The following EDIL3 variants were observed in gnomAD, a reference collection of about 807,000 sequenced individuals.
The protein encoded by EDIL3 is EGF-like repeat and discoidin I-like domain-containing protein 3.
A neutral mutation model predicts 67.4 loss-of-function variants in EDIL3; 37 were observed. That is an observed-to-expected ratio of 0.55 (90% CI 0.42 to 0.72). The LOEUF (loss-of-function observed/expected upper bound fraction) is 0.72, where lower values mean the gene tolerates loss of function less well. Ranked by LOEUF, EDIL3 falls within the 30% of genes least tolerant of loss-of-function variation. EDIL3 has a pLI of 0.00. For synonymous variants in EDIL3, 195 were observed against 196.3 expected (o/e 0.99, Z 0.05); for missense variants, 527 against 586.3 (o/e 0.90, Z 1.04).
At chr5:84,001,675 A>G (rs1269591792) in intron 9 of EDIL3, among the ~76,000 whole-genome samples, 1 of 152,180 alleles carries the variant, frequency 6.6e-6, no homozygotes, top group Non-Finnish European at 1.5e-5. Context: ...ATATGCCAGC[A>G]AATTGGAAAA....
At position 84,104,071 on chromosome 5, in the gene EDIL3, T is replaced by G. The variant is rs557204397; in HGVS notation, c.651+2578A>C. Among the ~76,000 whole-genome samples the G allele has an allele frequency of 2.0e-5, 3 of 152,144 alleles. No homozygotes were observed. In the South Asian group the frequency reaches 6.2e-4, roughly 32 times the overall value. On this transcript the variant is annotated intron_variant, in intron 6 of 10. Transcript: ENST00000296591. ...TCAGATCATGTCTTTTGCAGGAACA[T>G]GAATGAAGCTGGAGCAAACTAATTA...
chr5:84,298,872 G>C (rs570195545), intron 1 of EDIL3, among the ~76,000 whole-genome samples: 1 of 152,058 alleles, frequency 6.6e-6, no homozygotes, highest in Admixed American at 6.5e-5. Context: ...ATGCTGATTC[G>C]GTCTTTTGTG....
intron 4 of EDIL3, among the ~76,000 whole-genome samples, chr5:84,163,329 TG>T (rs1748646090): frequency 6.6e-6 from 1 of 152,132 alleles, no homozygotes; most frequent in East Asian, 1.9e-4. Flanking sequence ...AGAAAGACTA[TG>T]TTCTCAGACA....
At chr5:83,981,006 G>A (rs1467786731) in intron 9 of EDIL3, among the ~76,000 whole-genome samples, 1 of 151,962 alleles carries the variant, frequency 6.6e-6, no homozygotes, top group East Asian at 1.9e-4. Context: ...ACAAATAAAT[G>A]AAAAGATATC....
chr5:84,238,146 G>GGT (rs150829568), intron 2 of EDIL3, among the ~76,000 whole-genome samples: 14 of 150,860 alleles, frequency 9.3e-5, no homozygotes, highest in East Asian at 1.9e-4. Context: ...CTTGGCAAAC[G>GGT]GTGTGTGTGT....
chr5:84,204,772 A>T (rs1459318554), intron 3 of EDIL3, among the ~76,000 whole-genome samples: 1 of 150,658 alleles, frequency 6.6e-6, no homozygotes, highest in Admixed American at 6.6e-5. Context: ...GCCCCTTTAC[A>T]AGCATAAGTT....
intron 9 of EDIL3, among the ~76,000 whole-genome samples, chr5:84,000,032 G>A (rs918642967): frequency 6.6e-6 from 1 of 151,492 alleles, no homozygotes; most frequent in Non-Finnish European, 1.5e-5. Flanking sequence ...TTTTATTCTA[G>A]AATATTATAT....
chr5:84,052,333 C>T (rs1430321476), intron 9 of EDIL3, among the ~76,000 whole-genome samples: 10 of 152,264 alleles, frequency 6.6e-5, no homozygotes, highest in Middle Eastern at 3.4e-3. Flanking sequence ...AAGGAACAAC[C>T]AGTACCAGCC....
At chr5:84,251,286 T>C (rs150814631) in intron 2 of EDIL3, among the ~76,000 whole-genome samples, 1 of 152,162 alleles carries the variant, frequency 6.6e-6, no homozygotes, top group African/African-American at 2.4e-5. Flanking sequence ...TTAATTTTTG[T>C]ATATTTGGTA....
At chr5:83,992,512 C>G (rs1580269190) in intron 9 of EDIL3, among the ~76,000 whole-genome samples, 1 of 151,954 alleles carries the variant, frequency 6.6e-6, no homozygotes, top group Admixed American at 6.6e-5. Flanking sequence ...AACAAAGCAG[C>G]GAGGAAGAGA....
intron 4 of EDIL3, among the ~76,000 whole-genome samples, chr5:84,149,963 T>C (rs973171309): frequency 6.6e-6 from 1 of 152,010 alleles, no homozygotes; most frequent in Admixed American, 6.6e-5. Context: ...GGAACACATA[T>C]AGTTAGTCTA....
At chr5:84,210,355 G>GT (rs1483656054) in intron 3 of EDIL3, among the ~76,000 whole-genome samples, 1 of 151,952 alleles carries the variant, frequency 6.6e-6, no homozygotes, top group Non-Finnish European at 1.5e-5. Flanking sequence ...GTGTATTTTA[G>GT]TTTTTTGTAA....
intron 1 of EDIL3, among the ~76,000 whole-genome samples, chr5:84,355,491 C>T (rs572900928): frequency 4.5e-4 from 69 of 152,208 alleles, no homozygotes; most frequent in Middle Eastern, 3.4e-3. Flanking sequence ...GACAATTTGT[C>T]AAACTCATTC....
chr5:84,304,514 A>T (rs1018648937), intron 1 of EDIL3, among the ~76,000 whole-genome samples: 29 of 152,192 alleles, frequency 1.9e-4, no homozygotes, highest in African/African-American at 6.3e-4. Flanking sequence ...CTCTTGCTTT[A>T]ATGAAGTTGA....
chr5:84,236,031 T>C (rs1744674941), intron 2 of EDIL3, among the ~76,000 whole-genome samples: 1 of 152,060 alleles, frequency 6.6e-6, no homozygotes, highest in Admixed American at 6.6e-5. Context: ...AGTGGTGATA[T>C]AGTTTACATG....
chr5:84,287,886 G>A (rs1745840619), intron 1 of EDIL3, among the ~76,000 whole-genome samples: 2 of 151,864 alleles, frequency 1.3e-5, no homozygotes. Flanking sequence ...GTGCTCCAGG[G>A]CTCAGTCCCT....
In EDIL3 at chr5:84,058,916, A is replaced by G. The variant is rs77959405; in HGVS notation, c.1137+1384T>C. ...GTGCTGGGATGATATATTAGAAAAC[A>G]TACTCCTTATCTTCAAAAAGTTCAT... On this transcript the variant is annotated intron_variant, in intron 9 of 10. Coordinates refer to ENST00000296591, the MANE Select transcript of EDIL3 (RefSeq NM_005711.5). Among the ~76,000 whole-genome samples the G allele has an allele frequency of 1.8e-4, 27 of 152,294 alleles. 1 individual carries two copies. The East Asian group carries it at 4.3e-3, about 24-fold the overall frequency.
At chr5:84,260,703 AATGC>A (rs1345445393) in intron 1 of EDIL3, among the ~76,000 whole-genome samples, 2 of 152,186 alleles carry the variant, frequency 1.3e-5, no homozygotes, top group African/African-American at 4.8e-5. Context: ...TATTTAGATG[AATGC>A]ATGCTTCTCC....
intron 9 of EDIL3, among the ~76,000 whole-genome samples, chr5:84,002,171 G>A (rs1019492113): frequency 6.6e-6 from 1 of 152,004 alleles, no homozygotes; most frequent in African/African-American, 2.4e-5. Flanking sequence ...CAGATTGAAG[G>A]ACAAAAACCA....
Sources: allele counts gnomAD v4.1 joint callset (sites outside exome capture counted in the v4.1 genomes callset), GRCh38; gene constraint gnomAD v4.1.1; transcripts MANE v1.5; gene names NCBI Gene and HGNC (gene_info 2026-07-23, HGNC 2026-07-21).